DACH2: variants seen among roughly 807,000 people sequenced by gnomAD.
DACH2 encodes dachshund homolog 2.
Under a neutral mutation model 35.8 loss-of-function variants are expected in DACH2, and 17 were observed. The observed-to-expected ratio is 0.48, with a 90% CI of 0.33 to 0.71. The LOEUF is 0.71. Among genes scored for constraint, DACH2 ranks in the 30% least tolerant of loss-of-function variants. The probability of loss-of-function intolerance (pLI) is 0.02; values close to 1 mark genes in which losing one functional copy is unlikely to be tolerated. For missense variants in DACH2, 469 were observed against 472.7 expected, an observed-to-expected ratio of 0.99 and a Z score of 0.07; for synonymous variants, 195 against 177.3, an observed-to-expected ratio of 1.10 and a Z score of -0.79.
intron 4 of DACH2, among the ~76,000 whole-genome samples, chrX:86,686,934 T>G (rs2040951132): frequency 8.9e-6 from 1 of 112,223 alleles, no homozygotes; most frequent in Non-Finnish European, 1.9e-5. Flanking sequence ...TCTTGCAACA[T>G]TTTAATTTAG....
chrX:86,593,263 A>G (rs916803832), intron 3 of DACH2, among the ~76,000 whole-genome samples: 1 of 110,141 alleles, frequency 9.1e-6, no homozygotes, highest in African/African-American at 3.3e-5. Flanking sequence ...TTTCGCATCT[A>G]TTAATTTTAT....
intron 2 of DACH2, among the ~76,000 whole-genome samples, chrX:86,440,858 AT>A (rs1470260911): frequency 9.0e-6 from 1 of 111,306 alleles, no homozygotes; most frequent in African/African-American, 3.3e-5. Context: ...CTATTTTGAA[AT>A]TTATAATACA....
intron 4 of DACH2, among the ~76,000 whole-genome samples, chrX:86,663,199 A>G (rs2148416499): frequency 9.0e-6 from 1 of 111,731 alleles, no homozygotes; most frequent in African/African-American, 3.2e-5. Flanking sequence ...GGAAATATTC[A>G]TTTCTCTGCT....
At chrX:86,359,084 C>CTTAT (rs200413091) in intron 1 of DACH2, among the ~76,000 whole-genome samples, 16,234 of 98,256 alleles carry the variant, frequency 0.17, 1,134 homozygotes, top group African/African-American at 0.24. Context: ...TATATTTTGT[C>CTTAT]GTGTGTGTGT....
chrX:86,374,291 A>G (rs766611190), intron 1 of DACH2, among the ~76,000 whole-genome samples: 6 of 111,466 alleles, frequency 5.4e-5, no homozygotes, highest in Non-Finnish European at 1.1e-4. Context: ...AAATTTATTT[A>G]TCAGTGATAC....
At chrX:86,356,423 T>G in intron 1 of DACH2, among the ~76,000 whole-genome samples, 1 of 111,770 alleles carries the variant, frequency 8.9e-6, no homozygotes, top group Non-Finnish European at 1.9e-5. Flanking sequence ...CCATGTTGTT[T>G]TCATTACTGT....
At chrX:86,450,011 A>G (rs970524218) in intron 2 of DACH2, among the ~76,000 whole-genome samples, 2 of 111,448 alleles carry the variant, frequency 1.8e-5, no homozygotes, top group Admixed American at 1.9e-4. Context: ...TCATTAATGT[A>G]TTTTACTTTC....
chrX:86,470,397 A>G (rs1293635703), intron 2 of DACH2, among the ~76,000 whole-genome samples: 1 of 111,812 alleles, frequency 8.9e-6, no homozygotes, highest in East Asian at 2.8e-4. Context: ...CTTTTCTAAC[A>G]TTGAAGTTGA....
intron 1 of DACH2, among the ~76,000 whole-genome samples, chrX:86,181,861 T>G (rs1014849039): frequency 4.5e-5 from 5 of 112,097 alleles, no homozygotes; most frequent in African/African-American, 6.5e-5. Context: ...TTTCTGACTT[T>G]GTAATGGTCA....
At chrX:86,317,201 A>G (rs911852943) in intron 1 of DACH2, among the ~76,000 whole-genome samples, 2 of 110,833 alleles carry the variant, frequency 1.8e-5, no homozygotes, top group African/African-American at 6.6e-5. Context: ...GGCCATAACC[A>G]TGACAACAGA....
intron 2 of DACH2, among the ~76,000 whole-genome samples, chrX:86,470,112 G>A (rs915479026): frequency 7.0e-5 from 7 of 100,189 alleles, no homozygotes; most frequent in African/African-American, 2.4e-4. Context: ...AAATTGATGG[G>A]TGCTTATCAG....
chrX:86,269,042 C>T (rs946562341), intron 1 of DACH2, among the ~76,000 whole-genome samples: 3 of 110,506 alleles, frequency 2.7e-5, no homozygotes, highest in African/African-American at 9.9e-5. Flanking sequence ...ACTATAGTCA[C>T]CCTGTTGTGC....
intron 1 of DACH2, among the ~76,000 whole-genome samples, chrX:86,364,073 C>T (rs1313582271): frequency 9.0e-6 from 1 of 111,490 alleles, no homozygotes; most frequent in Non-Finnish European, 1.9e-5. Context: ...TCTCCATCTC[C>T]TAAATGCTCT....
At chrX:86,282,649 A>T (rs888561015) in intron 1 of DACH2, among the ~76,000 whole-genome samples, 9 of 110,905 alleles carry the variant, frequency 8.1e-5, no homozygotes, top group Non-Finnish European at 1.5e-4. Flanking sequence ...TGGGAGAAAA[A>T]TTTTTTCAGT....
intron 3 of DACH2, among the ~76,000 whole-genome samples, chrX:86,545,376 G>A (rs1338912211): frequency 1.8e-5 from 2 of 110,547 alleles, no homozygotes; most frequent in Non-Finnish European, 3.8e-5. Context: ...ACAAAGAAGG[G>A]AGCAACAGAC....
At chrX:86,331,571 G>A (rs1283399689) in intron 1 of DACH2, among the ~76,000 whole-genome samples, 2 of 111,405 alleles carry the variant, frequency 1.8e-5, no homozygotes, top group African/African-American at 6.5e-5. Context: ...ATTAGATAGG[G>A]CTTTTTATAG....
At chrX:86,692,281 T>C (rs754601208) in intron 4 of DACH2, among the ~76,000 whole-genome samples, 93 of 111,640 alleles carry the variant, frequency 8.3e-4, no homozygotes, top group Non-Finnish European at 1.4e-3. Context: ...GTTTGTTACA[T>C]ATGTATACAT....
At chrX:86,222,442 A>G (rs2032733527) in intron 1 of DACH2, among the ~76,000 whole-genome samples, 1 of 112,067 alleles carries the variant, frequency 8.9e-6, no homozygotes, top group Admixed American at 9.5e-5. Flanking sequence ...AACCTAAGAT[A>G]CAAGAATACA....
At chrX:86,552,998 T>A (rs2039070768) in intron 3 of DACH2, among the ~76,000 whole-genome samples, 1 of 111,111 alleles carries the variant, frequency 9.0e-6, no homozygotes, top group Non-Finnish European at 1.9e-5. Flanking sequence ...TAGTCAGGGT[T>A]CCCTAGAGGG....
Sources: allele counts gnomAD v4.1 joint callset (sites outside exome capture counted in the v4.1 genomes callset), GRCh38; gene constraint gnomAD v4.1.1; transcripts MANE v1.5; gene names NCBI Gene and HGNC (gene_info 2026-07-23, HGNC 2026-07-21).